NBEA: variants seen among roughly 807,000 people sequenced by gnomAD.
NBEA encodes lysosomal-trafficking regulator 2.
A neutral mutation model predicts 343.4 loss-of-function variants in NBEA; 44 were observed. The observed-to-expected ratio is 0.13, with a 90% CI of 0.10 to 0.16. NBEA has a LOEUF of 0.16. Ranked by LOEUF, NBEA falls within the 10% of genes least tolerant of loss-of-function variation. The pLI, the probability that NBEA is intolerant of heterozygous loss-of-function variation, is 1.00. For synonymous variants in NBEA, 1,175 were observed against 1,238.7 expected (o/e 0.95, Z 1.08); for missense variants, 2,555 against 3,631.3 (o/e 0.70, Z 7.62).
At chr13:35,645,064 T>C (rs934708515) in intron 49 of NBEA, among the ~76,000 whole-genome samples, 4 of 152,214 alleles carry the variant, frequency 2.6e-5, no homozygotes, top group Admixed American at 1.3e-4. Flanking sequence ...TTTTTATTGA[T>C]AAACATTTTC....
In NBEA at chr13:35,013,017, AATAG is replaced by A. The variant is rs565078714; in HGVS notation, c.295-27911_295-27908del. Among the ~76,000 whole-genome samples the A allele has an allele frequency of 3.9e-4, 59 of 152,348 alleles. No homozygotes were observed. In the East Asian group the frequency reaches 0.011, roughly 28 times the overall value. On this transcript the variant is annotated intron_variant, in intron 1 of 58. Coordinates refer to ENST00000379939, the MANE Select transcript of NBEA (RefSeq NM_001385012.1). Reference sequence around the variant, plus strand: ...AGAGTTAGTAAGAATTCTTTTATCAAATAGATAGTTAATAGACTATAAGGGGTAG... The same window carrying A: ...AGAGTTAGTAAGAATTCTTTTATCAAATAGTTAATAGACTATAAGGGGTAG...
chr13:35,415,348 G>A (rs867487343), intron 38 of NBEA, among the ~76,000 whole-genome samples: 2,685 of 151,998 alleles, frequency 0.018, 99 homozygotes, highest in African/African-American at 0.062. Context: ...GTTTTCTTCT[G>A]GGGTTTTTAT....
At chr13:35,156,312 T>G in intron 20 of NBEA, 106 bp downstream of exon 20, 3 of 1,168,802 alleles carry the variant, frequency 2.6e-6, no homozygotes, top group Non-Finnish European at 3.5e-6. Context: ...TAAATACTTT[T>G]AATCATCAGA....
intron 1 of NBEA, among the ~76,000 whole-genome samples, chr13:34,956,955 G>C (rs2059513424): frequency 6.6e-6 from 1 of 151,894 alleles, no homozygotes; most frequent in South Asian, 2.1e-4. Flanking sequence ...CCAGCCAAAA[G>C]TAATTTCTAC....
intron 17 of NBEA, among the ~76,000 whole-genome samples, chr13:35,127,369 T>C (rs973072945): frequency 1.3e-5 from 2 of 152,318 alleles, no homozygotes; most frequent in Admixed American, 6.5e-5. Context: ...CAACTAGGAA[T>C]GACTGGAGAA....
intron 1 of NBEA, among the ~76,000 whole-genome samples, chr13:34,945,253 G>C (rs2152478689): frequency 6.6e-6 from 1 of 152,212 alleles, no homozygotes; most frequent in Admixed American, 6.5e-5. Context: ...GAAACTTTTG[G>C]AGAAAAGAAT....
chr13:35,239,999 C>A (rs1480124677), intron 34 of NBEA, among the ~76,000 whole-genome samples: 1 of 149,720 alleles, frequency 6.7e-6, no homozygotes, highest in Non-Finnish European at 1.5e-5. Context: ...TTTGAGCATC[C>A]ATAAATCTAT....
chr13:34,994,163 A>ACT (rs1185260253), intron 1 of NBEA, among the ~76,000 whole-genome samples: 1 of 134,624 alleles, frequency 7.4e-6, no homozygotes, highest in Non-Finnish European at 1.5e-5. Flanking sequence ...ATGCCACTGT[A>ACT]CTCTAGCCTG....
chr13:35,523,104 G>T (rs1594875822), intron 41 of NBEA, among the ~76,000 whole-genome samples: 2 of 152,312 alleles, frequency 1.3e-5, no homozygotes, highest in Middle Eastern at 6.8e-3. Context: ...CATCCACTAA[G>T]ATAATGACAA....
At chr13:35,545,625 T>C (rs535065822) in intron 41 of NBEA, among the ~76,000 whole-genome samples, 3 of 152,318 alleles carry the variant, frequency 2.0e-5, no homozygotes, top group South Asian at 2.1e-4. Flanking sequence ...TTCCAAATGA[T>C]ATTCTTTGAC....
intron 44 of NBEA, among the ~76,000 whole-genome samples, chr13:35,558,155 A>G (rs1210582942): frequency 1.3e-5 from 2 of 152,160 alleles, no homozygotes; most frequent in African/African-American, 4.8e-5. Context: ...CACATATTCT[A>G]TTTTTCCCTG....
intron 34 of NBEA, among the ~76,000 whole-genome samples, chr13:35,273,238 T>C (rs917533978): frequency 4.6e-5 from 7 of 152,146 alleles, no homozygotes; most frequent in African/African-American, 1.4e-4. Context: ...CTGAAGACCC[T>C]GCACCTAAAT....
At chr13:35,476,315 C>T (rs1306877527) in intron 41 of NBEA, 4 of 924,062 alleles carry the variant, frequency 4.3e-6, no homozygotes, top group Non-Finnish European at 6.2e-6. Context: ...GCTGCTGCTG[C>T]TGCTGCTGCT....
At chr13:35,093,388 A>G (rs1331193090) in intron 10 of NBEA, among the ~76,000 whole-genome samples, 1 of 151,904 alleles carries the variant, frequency 6.6e-6, no homozygotes, top group Non-Finnish European at 1.5e-5. Flanking sequence ...AGAATAGAAA[A>G]TTCCTGACCT....
At chr13:35,154,129 T>C (rs1222536868) in intron 18 of NBEA, among the ~76,000 whole-genome samples, 1 of 152,204 alleles carries the variant, frequency 6.6e-6, no homozygotes, top group East Asian at 1.9e-4. Context: ...GCTATATTCT[T>C]TAATAAAGTA....
In NBEA at chr13:35,159,625, C is replaced by T. The variant is rs572561474; in HGVS notation, c.3454C>T (p.Pro1152Ser). ...SSTSFLFDKI[P>S]KQEEKLLPEL... ...TACATCATTTCTCTTTGATAAAATA[C>T]CCAAACAGGAGGAAAAACTACTTCC... Residue 1152 changes from proline to serine, a missense_variant, in exon 22 of 59, where the codon CCC becomes TCC. Pro to Ser is a moderately conservative substitution (Grantham distance 74). Coordinates refer to ENST00000379939, the MANE Select transcript of NBEA (RefSeq NM_001385012.1). The T allele has an allele frequency of 1.9e-6, 3 of 1,610,916 alleles. No individual in the cohort carries two copies. Among genetic ancestry groups the T allele is most frequent in the East Asian group, 4.5e-5 (2 of 44,696 alleles).
At chr13:35,389,683 T>G (rs1196475018) in intron 38 of NBEA, among the ~76,000 whole-genome samples, 1 of 152,120 alleles carries the variant, frequency 6.6e-6, no homozygotes, top group African/African-American at 2.4e-5. Context: ...GTTCCTACTT[T>G]GATTGCAAGC....
At chr13:35,041,671 T>C (rs1487741634) in intron 2 of NBEA, among the ~76,000 whole-genome samples, 3 of 151,940 alleles carry the variant, frequency 2.0e-5, no homozygotes, top group Admixed American at 6.6e-5. Flanking sequence ...TAAACTAATA[T>C]ATTATGGGCT....
chr13:35,174,734 G>A (rs527282813), intron 27 of NBEA, among the ~76,000 whole-genome samples: 50 of 152,072 alleles, frequency 3.3e-4, no homozygotes, highest in African/African-American at 1.1e-3. Flanking sequence ...TGTAGGCATA[G>A]TAGACAGATA....
Sources: allele counts gnomAD v4.1 joint callset (sites outside exome capture counted in the v4.1 genomes callset), GRCh38; gene constraint gnomAD v4.1.1; transcripts MANE v1.5; gene names NCBI Gene and HGNC (gene_info 2026-07-23, HGNC 2026-07-21).